The following LMTK2 variants were observed in gnomAD, a reference collection of about 807,000 sequenced individuals.
LMTK2 encodes the protein lemur tail kinase 2.
Under a neutral mutation model 127.5 loss-of-function variants are expected in LMTK2, and 37 were observed. The observed-to-expected ratio is 0.29, with a 90% CI of 0.22 to 0.38. LMTK2 has a LOEUF of 0.38. LMTK2 is among the 10% of genes least tolerant of loss of function. The pLI, the probability that LMTK2 is intolerant of heterozygous loss-of-function variation, is 1.00. For missense variants in LMTK2, 1,694 were observed against 1,920.3 expected, an observed-to-expected ratio of 0.88 and a Z score of 2.20; for synonymous variants, 819 against 810.1, an observed-to-expected ratio of 1.01 and a Z score of -0.19.
At chr7:98,117,470 T>C (rs941540382) in intron 1 of LMTK2, among the ~76,000 whole-genome samples, 2 of 152,246 alleles carry the variant, frequency 1.3e-5, no homozygotes, top group African/African-American at 4.8e-5. Context: ...GTTCTTACAT[T>C]GTACCAGCTT....
chr7:98,202,708 C>T (rs1216732519), intron 11 of LMTK2, among the ~76,000 whole-genome samples: 1 of 152,142 alleles, frequency 6.6e-6, no homozygotes, highest in Non-Finnish European at 1.5e-5. Flanking sequence ...CGCACCCCAC[C>T]CCGGTCTCCC....
In LMTK2 at chr7:98,194,034, A is replaced by G. The variant is rs1470751312; in HGVS notation, c.3569A>G (p.Gln1190Arg). Residue 1190 changes from glutamine (Q) to arginine (R), a missense_variant, in exon 11 of 14, where the codon CAG becomes CGG. This residue lies in a region of LMTK2 where 554 missense variants were observed against 567.7 expected (regional missense o/e 0.98). Coordinates refer to ENST00000297293, the MANE Select transcript of LMTK2 (RefSeq NM_014916.4). The surrounding 1 kb of genome is among the most constrained non-coding windows in gnomAD (Gnocchi z 5.4). ...CCAGCACAGACTGGTGTTCCCCAGC[A>G]GGTGCATCCCACGGAAGACGAGGCC... is the stretch of plus-strand genomic sequence containing the variant. The part of the protein sequence containing the change: ...PEPAQTGVPQ[Q>R]VHPTEDEASS... 2 of 1,614,040 alleles carry G rather than the reference A, an allele frequency of 1.2e-6. No individual in the cohort carries two copies. Among genetic ancestry groups the G allele is most frequent in the African/African-American group, 2.7e-5 (2 of 74,946 alleles).
At chr7:98,203,003 G>A (rs1229507916) in intron 11 of LMTK2, among the ~76,000 whole-genome samples, 2 of 152,202 alleles carry the variant, frequency 1.3e-5, no homozygotes, top group Non-Finnish European at 2.9e-5. Context: ...CCTCCCGCTC[G>A]TGATCACAGT....
intron 6 of LMTK2, among the ~76,000 whole-genome samples, chr7:98,163,075 A>G (rs544200229): frequency 2.0e-5 from 3 of 149,760 alleles, no homozygotes; most frequent in South Asian, 2.2e-4. Context: ...GACCTAGAGT[A>G]GTCAGATTCC....
intron 7 of LMTK2, among the ~76,000 whole-genome samples, chr7:98,174,119 A>AG (rs1008845811): frequency 3.2e-4 from 48 of 151,156 alleles, no homozygotes; most frequent in South Asian, 8.3e-4. Flanking sequence ...AAAAAAAAAA[A>AG]AAAGAAAAAG....
chr7:98,179,629 TTCTC>T (rs1420292538), intron 7 of LMTK2, among the ~76,000 whole-genome samples: 1 of 109,370 alleles, frequency 9.1e-6, no homozygotes, highest in Non-Finnish European at 1.7e-5. Context: ...CTCCCTCCCT[TTCTC>T]CCTCCCTCCC....
In LMTK2 at chr7:98,138,620, G is replaced by A. The variant is rs77687550; in HGVS notation, c.231+1178G>A. The stretch of plus-strand genomic sequence containing the variant: ...GCCTGCTGACGGCACTAGTAGTAGG[G>A]GCACAGTTGTCGGTGGACAGTTTGT... On this transcript the variant is annotated intron_variant, in intron 2 of 13. Transcript: ENST00000297293. 9.7e-3 allele frequency among the ~76,000 whole-genome samples: 1,478 copies of A among 152,280 alleles called. 18 individuals carry two copies. Among genetic ancestry groups the A allele is most frequent in the Admixed American group, 0.015 (229 of 15,306 alleles).
chr7:98,203,885 T>A, intron 12 of LMTK2, 59 bp from the exon 13 acceptor site: 1 of 1,598,568 alleles, frequency 6.3e-7, no homozygotes, highest in Non-Finnish European at 8.5e-7. Context: ...GCCCAGAGGC[T>A]CCCCCTCTCC....
Position 98,196,743 on chromosome 7 carries a change from G to T in LMTK2, c.4107+2171G>T, listed in dbSNP as rs59182053. ...ACAGAATTGCAAAAGATGAAGATCT[G>T]TGACAAGGGCACTCTAGTTATGGGA... On this transcript the variant is annotated intron_variant, in intron 11 of 13. Coordinates refer to ENST00000297293, the MANE Select transcript of LMTK2 (RefSeq NM_014916.4). Among the ~76,000 whole-genome samples the T allele has an allele frequency of 7.5e-3, 1,145 of 152,278 alleles. 17 individuals carry two copies. The highest frequency in any genetic ancestry group is 0.026 in the African/African-American group (1,060 of 41,544).
In LMTK2 at chr7:98,204,008, C is replaced by A. The variant is rs1797748787; in HGVS notation, c.4305C>A (p.Asn1435Lys). 1 of 1,614,096 alleles carries A rather than the reference C, an allele frequency of 6.2e-7. No individual in the cohort carries two copies. Among genetic ancestry groups the A allele is most frequent in the Non-Finnish European group, 8.5e-7 (1 of 1,180,046 alleles). Residue 1435 changes from asparagine (N) to lysine (K), a missense_variant, in exon 13 of 14, where the codon AAC (asparagine) becomes AAA (lysine). By Grantham distance (94) the Asn-to-Lys change is moderately conservative. Coordinates refer to ENST00000297293, the MANE Select transcript of LMTK2 (RefSeq NM_014916.4). Reference protein sequence around the residue: ...PDPFMSKTTSNLLSSKPSLQT... With the variant: ...PDPFMSKTTSKLLSSKPSLQT... ...CTTTTATGTCAAAGACAACAAGTAA[C>A]CTGCTCAGCTCCAAGCCTTCTCTCC... is the stretch of plus-strand genomic sequence containing the variant.
At position 98,203,626 on chromosome 7, in the gene LMTK2, A is replaced by AACTGAGCGGCCCAGC; in HGVS notation, c.4160_4161insACTGAGCGGCCCAGC (p.Asp1387delinsGluLeuSerGlyProAla). On this transcript the variant is annotated protein_altering_variant, in exon 12 of 14. Coordinates refer to ENST00000297293, the MANE Select transcript of LMTK2 (RefSeq NM_014916.4). Reference sequence around the variant, plus strand: ...TGTGGAGGAGAGGCGTGCGGCCCGGACCTGAGCGGCCCAGCCCCAGCCTCA... The same window carrying AACTGAGCGGCCCAGC: ...TGTGGAGGAGAGGCGTGCGGCCCGGAACTGAGCGGCCCAGCCCTGAGCGGCCCAGCCCCAGCCTCA... 1 of 1,613,062 alleles carries AACTGAGCGGCCCAGC rather than the reference A, an allele frequency of 6.2e-7. No individual in the cohort carries two copies. The highest frequency in any genetic ancestry group is 8.5e-7 in the Non-Finnish European group (1 of 1,179,822).
chr7:98,171,820 A>C lies in LMTK2; in HGVS notation c.791+146A>C, dbSNP rs1196307580. ...GGTAGAAGCGATCTCGTTCTTACCC[A>C]TGTCCGGATAAGGGTTGAGTTGGGC... is the stretch of plus-strand genomic sequence containing the variant. On this transcript the variant is annotated intron_variant, in intron 7 of 13. Transcript: ENST00000297293. This position sits in a 1 kb window ranked among gnomAD's most constrained non-coding sequence, Gnocchi z 5.1. 8.0e-6 allele frequency: 7 copies of C among 870,774 alleles called. No individual in the cohort carries two copies. In the African/African-American group the frequency reaches 8.6e-5, roughly 11 times the overall value. The allele number at this position is 870,774 out of a possible 1,614,324, so 53.9% of individuals were successfully genotyped here.
intron 1 of LMTK2, among the ~76,000 whole-genome samples, chr7:98,131,789 C>G (rs772990190): frequency 2.0e-5 from 3 of 152,138 alleles, no homozygotes; most frequent in Non-Finnish European, 4.4e-5. Context: ...TTTCCTGATC[C>G]CTATTACCCG....
chr7:98,203,171 C>G (rs1797729788), intron 11 of LMTK2, among the ~76,000 whole-genome samples: 1 of 152,242 alleles, frequency 6.6e-6, no homozygotes, highest in Non-Finnish European at 1.5e-5. Context: ...TGCTCCGAAG[C>G]CAGAACCAAG....
At chr7:98,185,992 G>A (rs905914186) in intron 8 of LMTK2, among the ~76,000 whole-genome samples, 1 of 151,890 alleles carries the variant, frequency 6.6e-6, no homozygotes, top group Non-Finnish European at 1.5e-5. Flanking sequence ...TGTCTACATA[G>A]TAGCTCTAGT....
intron 3 of LMTK2, among the ~76,000 whole-genome samples, chr7:98,143,463 A>T (rs1796726765): frequency 6.6e-6 from 1 of 152,378 alleles, no homozygotes; most frequent in Non-Finnish European, 1.5e-5. Flanking sequence ...GTACAAACAA[A>T]TGCAGGATAA....
chr7:98,133,574 G>A (rs1796555339), intron 1 of LMTK2, among the ~76,000 whole-genome samples: 2 of 151,844 alleles, frequency 1.3e-5, no homozygotes, highest in South Asian at 2.1e-4. Context: ...GTTTTAAAAA[G>A]GGGTAACTAA....
At position 98,141,476 on chromosome 7, in the gene LMTK2, A is replaced by G. The variant is rs768543214; in HGVS notation, c.311A>G (p.Glu104Gly). 5 of 1,613,674 alleles carry G rather than the reference A, an allele frequency of 3.1e-6. No individual in the cohort carries two copies. Among genetic ancestry groups the G allele is most frequent in the Non-Finnish European group, 4.2e-6 (5 of 1,179,562 alleles). ...ACTCCCTCTGTTCAGTCCCCAGCAG[A>G]GGTCTTCACACTTTCAGTACCAAAT... ...EDTPSVQSPA[E>G]VFTLSVPNIS... Residue 104 changes from glutamate (E) to glycine (G), a missense_variant, in exon 3 of 14, where the codon GAG becomes GGG. Glu to Gly is a moderately conservative substitution (Grantham distance 98, BLOSUM62 -2). Transcript: ENST00000297293.
At chr7:98,154,651 C>T (rs1196009524) in intron 4 of LMTK2, 107 bp from the exon 5 acceptor site, 2 of 696,690 alleles carry the variant, frequency 2.9e-6, no homozygotes, top group East Asian at 2.6e-5. Context: ...AGAAGGTCAC[C>T]TGCTTATTGC....
Sources: gnomAD v4.1 joint callset for allele counts (sites outside exome capture counted in the v4.1 genomes callset) on GRCh38, gnomAD v4.1.1 for gene constraint, gnomAD v4.1.1 regional missense constraint, Gnocchi (gnomAD v3.1) non-coding constraint, MANE v1.5 for transcripts, NCBI Gene and HGNC (gene_info 2026-07-23, HGNC 2026-07-21) for gene names.